Variants in DGKB observed in about 807,000 individuals in gnomAD.
DGKB encodes diacylglycerol kinase beta.
Under a neutral mutation model 114.3 loss-of-function variants are expected in DGKB, and 67 were observed. The observed-to-expected ratio is 0.59, with a 90% CI of 0.48 to 0.72. DGKB has a LOEUF of 0.72. Ranked by LOEUF, DGKB falls within the 30% of genes least tolerant of loss-of-function variation. The pLI, the probability that DGKB is intolerant of heterozygous loss-of-function variation, is 0.00. For missense variants in DGKB, 907 were observed against 975.2 expected (o/e 0.93, Z 0.93); for synonymous variants, 398 against 323.1 (o/e 1.23, Z -2.49).
At chr7:14,392,995 G>GTTTTTTTGTTTTTTGTTTTTTTTTTTTTT (rs1554404750) in intron 21 of DGKB, among the ~76,000 whole-genome samples, 1 of 60,546 alleles carries the variant, frequency 1.7e-5, no homozygotes, top group East Asian at 5.3e-4. Context: ...TTTTGTTTTT[G>GTTTTTTTGTTTTTTGTTTTTTTTTTTTTT]TTTTTTTTTT....
intron 8 of DGKB, 54 bp from the exon 9 acceptor site, chr7:14,694,248 A>T: frequency 7.4e-6 from 11 of 1,487,612 alleles, no homozygotes; most frequent in Non-Finnish European, 9.1e-6. Context: ...AATAAATTTC[A>T]TAGGCTACAA....
intron 23 of DGKB, among the ~76,000 whole-genome samples, chr7:14,208,141 C>G (rs1209728462): frequency 6.6e-6 from 1 of 151,934 alleles, no homozygotes; most frequent in Non-Finnish European, 1.5e-5. Flanking sequence ...ACCTGTCTCT[C>G]CAGTAAAATA....
intron 2 of DGKB, among the ~76,000 whole-genome samples, chr7:14,822,383 G>A (rs1845065887): frequency 6.6e-6 from 1 of 152,094 alleles, no homozygotes; most frequent in Admixed American, 6.6e-5. Context: ...CTTTAAAAAG[G>A]AGAATGAAAA....
intron 20 of DGKB, among the ~76,000 whole-genome samples, chr7:14,567,476 ATATATATTTATATATTATATATAAT>A (rs1797722791): frequency 1.3e-5 from 1 of 75,946 alleles, no homozygotes; most frequent in Admixed American, 2.3e-4. Context: ...TTTATATATT[ATATATATTTATATATTATATATAAT>A]TATATAATTA....
In DGKB at chr7:14,784,367, C is replaced by CTT. The variant is rs1216046590; in HGVS notation, c.71-26638_71-26637dup. Among the ~76,000 whole-genome samples the CTT allele has an allele frequency of 6.6e-3, 847 of 129,180 alleles. 27 individuals are homozygous for CTT. The highest frequency in any genetic ancestry group is 0.017 in the African/African-American group (572 of 33,142). The allele number at this position is 129,180 out of a possible 152,430, so 84.7% of individuals were successfully genotyped here. ...GTTCACCATCCGTCCAAATTATATG[C>CTT]TTTTTTTTTTTTTTTTTTGAGCTGG... On this transcript the variant is annotated intron_variant, in intron 2 of 25. Transcript: ENST00000402815.
In DGKB at chr7:14,946,097, T is replaced by C. The variant is rs562343253; in HGVS notation, c.-188+28599A>G. Reference sequence around the variant, plus strand: ...AAATATTATTAATATATGGGTATTCTTGAGATCTCTTTCATTTTGATTTGT... The same window carrying C: ...AAATATTATTAATATATGGGTATTCCTGAGATCTCTTTCATTTTGATTTGT... On this transcript the variant is annotated intron_variant, in intron 1 of 4. Transcript: ENST00000437998. 5.0e-4 allele frequency among the ~76,000 whole-genome samples: 75 copies of C among 150,338 alleles called. 1 individual carries two copies. Among genetic ancestry groups the C allele is most frequent in the Admixed American group, 1.7e-3 (25 of 15,090 alleles).
intron 9 of DGKB, among the ~76,000 whole-genome samples, chr7:14,692,119 T>C (rs1822976082): frequency 6.6e-6 from 1 of 151,886 alleles, no homozygotes; most frequent in Non-Finnish European, 1.5e-5. Flanking sequence ...TTTTTATAAC[T>C]TCACAAATAT....
chr7:14,947,434 A>G (rs1785944804), intron 1 of DGKB, among the ~76,000 whole-genome samples: 1 of 151,720 alleles, frequency 6.6e-6, no homozygotes, highest in South Asian at 2.1e-4. Context: ...TTATTCTTCA[A>G]TCCTTAATTT....
intron 1 of DGKB, among the ~76,000 whole-genome samples, chr7:14,896,683 C>T (rs1587286373): frequency 6.6e-6 from 1 of 151,472 alleles, no homozygotes; most frequent in Non-Finnish European, 1.5e-5. Flanking sequence ...CTTGTATTTT[C>T]ATTATTCCTG....
chr7:14,302,511 G>T (rs1201152088), intron 23 of DGKB, among the ~76,000 whole-genome samples: 1 of 151,964 alleles, frequency 6.6e-6, no homozygotes, highest in Non-Finnish European at 1.5e-5. Context: ...GAAACAGCCT[G>T]CCCCCGGCCC....
chr7:14,282,343 C>A (rs1228507463), intron 23 of DGKB, among the ~76,000 whole-genome samples: 24 of 122,540 alleles, frequency 2.0e-4, no homozygotes, highest in South Asian at 6.2e-4. Context: ...AGACCAATAA[C>A]AGGATCTGAA....
intron 2 of DGKB, among the ~76,000 whole-genome samples, chr7:14,793,264 A>T (rs938889249): frequency 1.3e-5 from 2 of 152,180 alleles, no homozygotes; most frequent in Admixed American, 6.6e-5. Flanking sequence ...AATGTCATGT[A>T]AAATTGTTTA....
rs1361837541 is a variant in DGKB, at chr7:14,347,787, T to C, written c.1836-2396A>G. Among the ~76,000 whole-genome samples, 5 of 152,182 alleles carry C rather than the reference T, an allele frequency of 3.3e-5. No individual in the cohort carries two copies. The East Asian group carries it at 7.7e-4, about 23-fold the overall frequency. ...TGAAATTAACTAGAGTAGTAGATTG[T>C]AAGTTTCTATGTGAAGTCATGGATA... is the stretch of plus-strand genomic sequence containing the variant. On this transcript the variant is annotated intron_variant, in intron 21 of 25. Coordinates refer to ENST00000402815, the MANE Select transcript of DGKB (RefSeq NM_001350709.2).
chr7:14,613,106 T>C (rs948722072), intron 16 of DGKB, among the ~76,000 whole-genome samples: 2 of 151,924 alleles, frequency 1.3e-5, no homozygotes, highest in Non-Finnish European at 2.9e-5. Flanking sequence ...ATAGGTGGGG[T>C]AGAGAGAATT....
At chr7:14,302,247 G>T (rs1803689189) in intron 23 of DGKB, among the ~76,000 whole-genome samples, 1 of 152,128 alleles carries the variant, frequency 6.6e-6, no homozygotes, top group Middle Eastern at 3.4e-3. Flanking sequence ...GCAAGATAAT[G>T]GTTCCTCTGG....
intron 7 of DGKB, among the ~76,000 whole-genome samples, chr7:14,699,509 G>C (rs1340770882): frequency 6.6e-6 from 1 of 152,108 alleles, no homozygotes; most frequent in Non-Finnish European, 1.5e-5. Flanking sequence ...GGTTAAACAT[G>C]TTATTATACA....
intron 20 of DGKB, among the ~76,000 whole-genome samples, chr7:14,524,741 G>A (rs1313358705): frequency 7.2e-6 from 1 of 138,314 alleles, no homozygotes; most frequent in African/African-American, 2.8e-5. Flanking sequence ...GGATGACAGA[G>A]TGAAGACTCT....
intron 6 of DGKB, among the ~76,000 whole-genome samples, chr7:14,715,619 T>A (rs959915294): frequency 3.9e-5 from 6 of 151,996 alleles, no homozygotes; most frequent in African/African-American, 9.7e-5. Context: ...GACGGGAAGG[T>A]CCTCAGAGAG....
In DGKB at chr7:14,381,071, G is replaced by A. The variant is rs552102722; in HGVS notation, c.1836-35680C>T. ...CACAGTGCATGATGGAGCTGTGGGCGGGAAAACAAGAGAGAAGGCCATTGG... is the reference window on the plus strand; with the variant it reads ...CACAGTGCATGATGGAGCTGTGGGCAGGAAAACAAGAGAGAAGGCCATTGG... On this transcript the variant is annotated intron_variant, in intron 21 of 25. Transcript: ENST00000402815. 3.9e-5 allele frequency among the ~76,000 whole-genome samples: 6 copies of A among 152,288 alleles called. No individual in the cohort carries two copies. The East Asian group carries it at 5.8e-4, about 15-fold the overall frequency.
Sources: allele counts gnomAD v4.1 joint callset (sites outside exome capture counted in the v4.1 genomes callset), GRCh38; gene constraint gnomAD v4.1.1; transcripts MANE v1.5; gene names NCBI Gene and HGNC (gene_info 2026-07-23, HGNC 2026-07-21).